The following LLGL1 variants were observed in gnomAD, a reference collection of about 807,000 sequenced individuals.
The protein encoded by LLGL1 is lethal(2) giant larvae protein homolog 1.
A neutral mutation model predicts 110.6 loss-of-function variants in LLGL1; 58 were observed. The ratio of observed to expected loss-of-function variants is 0.52; its 90% CI spans 0.42 to 0.65. The LOEUF (loss-of-function observed/expected upper bound fraction) is 0.65. LLGL1 is among the 30% of genes least tolerant of loss of function. The pLI is 0.00. For synonymous variants in LLGL1, 674 were observed against 607.2 expected (o/e 1.11, Z -1.62); for missense variants, 1,229 against 1,462.1 (o/e 0.84, Z 2.60).
At chr17:18,237,236 G>A in intron 13 of LLGL1, 1 of 597,458 alleles carries the variant, frequency 1.7e-6, no homozygotes, top group South Asian at 2.0e-5. Flanking sequence ...TCAGGGTAAG[G>A]GTGGACACTT....
chr17:18,241,941 A>G lies in LLGL1; in HGVS notation c.2824A>G (p.Ile942Val), dbSNP rs1260770571. 6.2e-7 allele frequency: 1 copy of G among 1,614,156 alleles called. No individual in the cohort carries two copies. The highest frequency in any genetic ancestry group is 1.7e-5 in the Admixed American group (1 of 60,028). ...ACGCTTCTCCCTAAGTGCCCGGAAC[A>G]TCACAGAGCCGCTCTGCTCTCTGGA... ...FERFSLSARNITEPLCSLDIN... is the reference protein window; with the variant it reads ...FERFSLSARNVTEPLCSLDIN... The change falls in exon 19 of 23, where the codon ATC becomes GTC. Residue 942 changes from isoleucine (I) to valine (V), a missense_variant. Coordinates refer to ENST00000316843, the MANE Select transcript of LLGL1 (RefSeq NM_004140.4).
In LLGL1 at chr17:18,236,643, G is replaced by A. The variant is rs759834279; in HGVS notation, c.1389G>A (p.Ser463=). The A allele has an allele frequency of 5.6e-6, 9 of 1,612,742 alleles. No individual in the cohort carries two copies. The East Asian group carries it at 1.1e-4, about 20-fold the overall frequency. ...GCACCGTGAGGTTCTGGGATGCCTCGGGTGTGGCGCTGCGGCCGCTCTATA... is the reference window on the plus strand; with the variant it reads ...GCACCGTGAGGTTCTGGGATGCCTCAGGTGTGGCGCTGCGGCCGCTCTATA... The part of the protein sequence containing the change: ...EDGTVRFWDA[S]GVALRPLYKL... Residue 463 remains serine (S), a synonymous_variant, in exon 12 of 23, where the codon TCG becomes TCA. Coordinates refer to ENST00000316843, the MANE Select transcript of LLGL1 (RefSeq NM_004140.4).
In LLGL1 at chr17:18,232,677, C is replaced by T; in HGVS notation, c.267C>T (p.Arg89=). 1 of 1,614,200 alleles carries T rather than the reference C, an allele frequency of 6.2e-7. No homozygotes were observed. The highest frequency in any genetic ancestry group is 1.3e-5 in the African/African-American group (1 of 75,064). The change falls in exon 4 of 23, where the codon CGC becomes CGT. Residue 89 remains arginine (R), a synonymous_variant. Coordinates refer to ENST00000316843, the MANE Select transcript of LLGL1 (RefSeq NM_004140.4). ...CATCTCTGCTCACACACCAGGGCCG[C>T]CTCCTGTCCCTGCTTGATGACAGCA... is the stretch of plus-strand genomic sequence containing the variant. ...TQMHFLTGQG[R]LLSLLDDSSL...
At chr17:18,236,529 G>T in intron 11 of LLGL1, 78 bp from the exon 12 acceptor site, 1 of 1,417,956 alleles carries the variant, frequency 7.1e-7, no homozygotes, top group East Asian at 2.3e-5. Context: ...CTTAGTGAGT[G>T]GTTATCAGAT....
chr17:18,232,583 C>T lies in LLGL1; in HGVS notation c.261+7C>T, dbSNP rs2047592850. ...GCACTTCTTGACCGGCCAGGTGAGCCTCTGCTTCCCACTAGCCAGCTCCCT... is the reference window on the plus strand; with the variant it reads ...GCACTTCTTGACCGGCCAGGTGAGCTTCTGCTTCCCACTAGCCAGCTCCCT... On this transcript the variant is annotated splice_region_variant and intron_variant, in intron 3 of 22. Transcript: ENST00000316843. 6.2e-7 allele frequency: 1 copy of T among 1,613,974 alleles called. No homozygotes were observed. The highest frequency in any genetic ancestry group is 1.7e-5 in the Admixed American group (1 of 59,996).
Position 18,234,852 on chromosome 17 carries a change from A to G in LLGL1, c.919A>G (p.Ile307Val), listed in dbSNP as rs750487037. Residue 307 changes from isoleucine to valine, a missense_variant, in exon 9 of 23, where the codon ATC becomes GTC. Coordinates refer to ENST00000316843, the MANE Select transcript of LLGL1 (RefSeq NM_004140.4). ...CTCTGCACATAGGGGCCACTTTATC[A>G]TCTTCAGCGGTGGCATGCCCCGTGC... The part of the protein sequence containing the change: ...RNCESGGHFI[I>V]FSGGMPRASY... 8.1e-6 allele frequency: 13 copies of G among 1,613,840 alleles called. No individual in the cohort carries two copies. The Admixed American group carries it at 1.5e-4, about 19-fold the overall frequency.
At position 18,239,383 on chromosome 17, in the gene LLGL1, G is replaced by A. The variant is rs376168610; in HGVS notation, c.2206+774G>A. On this transcript the variant is annotated intron_variant, in intron 16 of 22. Coordinates refer to ENST00000316843, the MANE Select transcript of LLGL1 (RefSeq NM_004140.4). ...TGAGTCACTGATTGATTTTGAACTT[G>A]TACAATGGGAGAGTTTCAAACATAC... 3.9e-5 allele frequency among the ~76,000 whole-genome samples: 6 copies of A among 152,282 alleles called. No individual in the cohort carries two copies. In the East Asian group the frequency reaches 1.2e-3, roughly 29 times the overall value.
chr17:18,227,671 A>T (rs1338943538), intron 1 of LLGL1, among the ~76,000 whole-genome samples: 2 of 152,254 alleles, frequency 1.3e-5, no homozygotes, highest in Admixed American at 6.5e-5. Flanking sequence ...GATTACAGAC[A>T]TGAGCTGCCA....
Position 18,238,486 on chromosome 17 carries a change from C to G in LLGL1, c.2083C>G (p.Gln695Glu). Residue 695 changes from glutamine (Q) to glutamate (E), a missense_variant, in exon 16 of 23, where the codon CAG becomes GAG. By Grantham distance (29) the Gln-to-Glu change is conservative. Coordinates refer to ENST00000316843, the MANE Select transcript of LLGL1 (RefSeq NM_004140.4). The stretch of plus-strand genomic sequence containing the variant: ...GGAAGCCAATGCACAGCTGGCTGAG[C>G]AGGCCTGCCCCCACGACGTGGAGAT... The part of the protein sequence containing the change: ...LQEANAQLAE[Q>E]ACPHDVEMTP... The G allele has an allele frequency of 1.2e-6, 2 of 1,611,780 alleles. No homozygotes were observed. Among genetic ancestry groups the G allele is most frequent in the Non-Finnish European group, 8.5e-7 (1 of 1,179,618 alleles).
At position 18,234,357 on chromosome 17, in the gene LLGL1, G is replaced by C. The variant is rs142729015; in HGVS notation, c.799G>C (p.Asp267His). The part of the protein sequence containing the change: ...SDGSYAVWSV[D>H]AGSFPTLQPT... ...TGGCAGCTATGCTGTCTGGTCTGTGGATGCCGGCAGCTTCCCAACGCTGCA... is the reference window on the plus strand; with the variant it reads ...TGGCAGCTATGCTGTCTGGTCTGTGCATGCCGGCAGCTTCCCAACGCTGCA... The change falls in exon 7 of 23, where the codon GAT becomes CAT. Residue 267 changes from aspartate to histidine, a missense_variant. Transcript: ENST00000316843. 5 of 1,612,108 alleles carry C rather than the reference G, an allele frequency of 3.1e-6. No homozygotes were observed. The African/African-American group carries it at 6.7e-5, about 21-fold the overall frequency.
rs776380789 is a variant in LLGL1 at position 18,237,609 on chromosome 17, G to T, written c.1740G>T (p.Pro580=). Residue 580 remains proline (P), a synonymous_variant, in exon 14 of 23, where the codon CCG becomes CCT. Coordinates refer to ENST00000316843, the MANE Select transcript of LLGL1 (RefSeq NM_004140.4). The part of the protein sequence containing the change: ...GHERLSPRTG[P]LPWPAGFQPR... ...AGCGGCTGAGCCCACGCACGGGGCCGCTGCCCTGGCCTGCTGGCTTCCAGC... is the reference window on the plus strand; with the variant it reads ...AGCGGCTGAGCCCACGCACGGGGCCTCTGCCCTGGCCTGCTGGCTTCCAGC... 1 of 1,611,124 alleles carries T rather than the reference G, an allele frequency of 6.2e-7. No homozygotes were observed. The highest frequency in any genetic ancestry group is 8.5e-7 in the Non-Finnish European group (1 of 1,179,788).
Position 18,235,495 on chromosome 17 carries a change from A to G in LLGL1, c.1310A>G (p.Asn437Ser), listed in dbSNP as rs1416722210. 6.2e-7 allele frequency: 1 copy of G among 1,613,938 alleles called. No individual in the cohort carries two copies. Among genetic ancestry groups the G allele is most frequent in the African/African-American group, 1.3e-5 (1 of 75,034 alleles). The change falls in exon 11 of 23, where the codon AAC becomes AGC. Residue 437 changes from asparagine (N) to serine (S), a missense_variant. Transcript: ENST00000316843. ...ALSWPITGGR[N>S]LAQEPSQRGL... ...AGCTGGCCCATCACTGGGGGCCGAA[A>G]CCTGGCCCAGGAGCCGTCACAGCGA...
intron 14 of LLGL1, 49 bp downstream of exon 14, chr17:18,237,822 G>T: frequency 5.1e-6 from 8 of 1,553,782 alleles, no homozygotes; most frequent in Non-Finnish European, 7.0e-6. Flanking sequence ...AGCGAGATGG[G>T]GTCTGGGCTT....
chr17:18,226,239 C>T (rs527907142), intron 1 of LLGL1, among the ~76,000 whole-genome samples: 35 of 152,260 alleles, frequency 2.3e-4, no homozygotes, highest in African/African-American at 8.2e-4. Context: ...TCTTCTTTGC[C>T]TGTCTCTCCC....
intron 1 of LLGL1, among the ~76,000 whole-genome samples, chr17:18,225,988 G>T (rs1047039885): frequency 1.2e-4 from 18 of 151,916 alleles, no homozygotes; most frequent in African/African-American, 4.1e-4. Flanking sequence ...TCTGCTCCCC[G>T]AGTCTCTGCG....
chr17:18,242,443 C>T, intron 20 of LLGL1, 65 bp from the exon 21 acceptor site: 1 of 1,604,016 alleles, frequency 6.2e-7, no homozygotes, highest in Non-Finnish European at 8.5e-7. Context: ...GGTCTGTGTC[C>T]CTAGGCCCCC....
chr17:18,241,362 G>T, intron 17 of LLGL1, 89 bp from the exon 18 acceptor site: 1 of 1,491,054 alleles, frequency 6.7e-7, no homozygotes, highest in Non-Finnish European at 9.0e-7. Flanking sequence ...CTTTGTGGTG[G>T]GGGCTGTTGG....
Position 18,237,726 on chromosome 17 carries a change from T to C in LLGL1, c.1857T>C (p.His619=), listed in dbSNP as rs986087103. ...GCCTCGTGGCTTTTGGCACCAGTCATGGCTTTGGCCTCTTCGACTACCAGC... is the reference window on the plus strand; with the variant it reads ...GCCTCGTGGCTTTTGGCACCAGTCACGGCTTTGGCCTCTTCGACTACCAGC... ...EWSLVAFGTS[H]GFGLFDYQRK... The change falls in exon 14 of 23, where the codon CAT becomes CAC. Residue 619 remains histidine (H), a synonymous_variant. Coordinates refer to ENST00000316843, the MANE Select transcript of LLGL1 (RefSeq NM_004140.4). 53 of 1,612,714 alleles carry C rather than the reference T, an allele frequency of 3.3e-5. No homozygotes were observed. Among genetic ancestry groups the C allele is most frequent in the Non-Finnish European group, 4.1e-5 (48 of 1,179,874 alleles).
intron 10 of LLGL1, 49 bp downstream of exon 10, chr17:18,235,361 G>A (rs765942447): frequency 6.2e-7 from 1 of 1,605,258 alleles, no homozygotes; most frequent in Non-Finnish European, 8.5e-7. Flanking sequence ...CTTGAGGAGG[G>A]GGAGAGTTTC....
Sources: allele counts gnomAD v4.1 joint callset (sites outside exome capture counted in the v4.1 genomes callset), GRCh38; gene constraint gnomAD v4.1.1; transcripts MANE v1.5; gene names NCBI Gene and HGNC (gene_info 2026-07-23, HGNC 2026-07-21).